DYNC1LI2: variants seen among roughly 807,000 people sequenced by gnomAD.
DYNC1LI2 encodes dynein cytoplasmic 1 light intermediate chain 2.
DYNC1LI2 carries 19 observed loss-of-function variants against 57.8 expected under a neutral mutation model. The observed-to-expected ratio is 0.33, with a 90% CI of 0.23 to 0.48. The LOEUF (loss-of-function observed/expected upper bound fraction) is 0.48, where lower values mean the gene tolerates loss of function less well. DYNC1LI2 is among the 20% of genes least tolerant of loss of function. DYNC1LI2 has a pLI of 0.99. For synonymous variants in DYNC1LI2, 256 were observed against 233.4 expected, an observed-to-expected ratio of 1.10 and a Z score of -0.88; for missense variants, 470 against 604.2, an observed-to-expected ratio of 0.78 and a Z score of 2.33.
chr16:66,735,341 T>TC (rs764962079), intron 5 of DYNC1LI2, among the ~76,000 whole-genome samples: 1 of 152,008 alleles, frequency 6.6e-6, no homozygotes, highest in African/African-American at 2.4e-5. Flanking sequence ...CCTCAAATGA[T>TC]CCACCCACCT....
At chr16:66,743,088 G>A (rs1293761985) in intron 3 of DYNC1LI2, among the ~76,000 whole-genome samples, 1 of 152,090 alleles carries the variant, frequency 6.6e-6, no homozygotes, top group Non-Finnish European at 1.5e-5. Context: ...CTTGAACCCA[G>A]GAAGTAGAGG....
At chr16:66,734,463 G>A (rs1018683334) in intron 5 of DYNC1LI2, 152 bp from the exon 6 acceptor site, 11 of 760,224 alleles carry the variant, frequency 1.4e-5, no homozygotes, top group Admixed American at 3.0e-5. Flanking sequence ...AAAAAGAACC[G>A]GAGATTTTTC....
chr16:66,743,860 G>A (rs866132374), intron 3 of DYNC1LI2, among the ~76,000 whole-genome samples: 5 of 152,042 alleles, frequency 3.3e-5, no homozygotes, highest in South Asian at 2.1e-4. Context: ...ATTACCAGAC[G>A]CCTAATTATA....
intron 7 of DYNC1LI2, 184 bp from the exon 8 acceptor site, chr16:66,730,407 C>T (rs7188714): frequency 0.11 from 60,009 of 545,960 alleles, 7,737 homozygotes; most frequent in African/African-American, 0.49. Flanking sequence ...ATCAGAACAT[C>T]GCAGGTCCTG....
At position 66,751,216 on chromosome 16, in the gene DYNC1LI2, G is replaced by A. The variant is rs1162612258; in HGVS notation, c.181+57C>T. On this transcript the variant is annotated intron_variant, in intron 2 of 12. Coordinates refer to ENST00000258198, the MANE Select transcript of DYNC1LI2 (RefSeq NM_006141.3). This position sits in a 1 kb window ranked among gnomAD's most constrained non-coding sequence, Gnocchi z 5.2. ...GGGGAAGGCGGGGACCTGAGGGAGG[G>A]GCGCCCGCCTCGCCCACCCCAGCGA... The A allele has an allele frequency of 1.3e-6, 2 of 1,574,434 alleles. No individual in the cohort carries two copies. Among genetic ancestry groups the A allele is most frequent in the African/African-American group, 2.7e-5 (2 of 72,984 alleles).
At chr16:66,727,617 C>T (rs2017559244) in intron 11 of DYNC1LI2, 71 bp downstream of exon 11, 4 of 1,478,612 alleles carry the variant, frequency 2.7e-6, no homozygotes, top group African/African-American at 1.4e-5. Flanking sequence ...ACTCAGCCAC[C>T]CAGCCCCTGC....
Position 66,723,887 on chromosome 16 carries a change from A to T in DYNC1LI2, c.1379-65T>A, listed in dbSNP as rs576167611. ...GAGAAGAGGAAACAATTTTTTTTAA[A>T]GGAGCATTTAAAATTATACGCCTTC... On this transcript the variant is annotated intron_variant, in intron 12 of 12. Coordinates refer to ENST00000258198, the MANE Select transcript of DYNC1LI2 (RefSeq NM_006141.3). The T allele has an allele frequency of 2.9e-6, 4 of 1,389,954 alleles. No homozygotes were observed. The African/African-American group carries it at 5.8e-5, about 20-fold the overall frequency. The allele number at this position is 1,389,954 out of a possible 1,614,324, so 86.1% of individuals were successfully genotyped here.
At chr16:66,749,517 A>C (rs1251758474) in intron 2 of DYNC1LI2, among the ~76,000 whole-genome samples, 1 of 152,166 alleles carries the variant, frequency 6.6e-6, no homozygotes, top group Non-Finnish European at 1.5e-5. Flanking sequence ...AGCAAATTCC[A>C]AGATCTAAAA....
chr16:66,749,419 C>A, intron 2 of DYNC1LI2, 106 bp from the exon 3 acceptor site: 2 of 1,157,208 alleles, frequency 1.7e-6, no homozygotes, highest in South Asian at 1.3e-5. Flanking sequence ...CATGCAAAGT[C>A]TGCTGTTGAA....
chr16:66,735,195 C>T (rs2017712250), intron 5 of DYNC1LI2, among the ~76,000 whole-genome samples: 1 of 150,980 alleles, frequency 6.6e-6, no homozygotes, highest in Admixed American at 6.6e-5. Flanking sequence ...CCTCAGCCTC[C>T]CAGCTCAAGC....
intron 3 of DYNC1LI2, among the ~76,000 whole-genome samples, chr16:66,746,394 T>C (rs1317921611): frequency 6.6e-6 from 1 of 152,136 alleles, no homozygotes; most frequent in African/African-American, 2.4e-5. Context: ...AAAGTGTATA[T>C]TTATAACTCA....
chr16:66,737,787 C>A (rs2017762141), intron 4 of DYNC1LI2, among the ~76,000 whole-genome samples: 1 of 152,184 alleles, frequency 6.6e-6, no homozygotes, highest in African/African-American at 2.4e-5. Flanking sequence ...ATTAAGGTGA[C>A]AATGGTCCGA....
intron 5 of DYNC1LI2, among the ~76,000 whole-genome samples, chr16:66,734,574 C>T (rs1389512015): frequency 6.6e-6 from 1 of 151,920 alleles, no homozygotes; most frequent in African/African-American, 2.4e-5. Context: ...AAGCTCCCAT[C>T]AGGAGGCAGG....
chr16:66,727,288 A>T (rs1196795751), intron 11 of DYNC1LI2, among the ~76,000 whole-genome samples: 1 of 152,196 alleles, frequency 6.6e-6, no homozygotes, highest in Non-Finnish European at 1.5e-5. Flanking sequence ...TCCAGAGTTG[A>T]CATGGGAGGA....
At chr16:66,736,377 C>A in intron 4 of DYNC1LI2, 133 bp from the exon 5 acceptor site, 3 of 1,049,942 alleles carry the variant, frequency 2.9e-6, no homozygotes, top group Non-Finnish European at 2.7e-6. Flanking sequence ...TAGTCACATC[C>A]AACTGCAAAA....
chr16:66,736,871 A>G (rs1285320177), intron 4 of DYNC1LI2, among the ~76,000 whole-genome samples: 1 of 152,240 alleles, frequency 6.6e-6, no homozygotes, highest in Non-Finnish European at 1.5e-5. Context: ...CACTTTTCTT[A>G]TGTATCTTAC....
At position 66,751,153 on chromosome 16, in the gene DYNC1LI2, G is replaced by T; in HGVS notation, c.181+120C>A. 1 of 1,193,288 alleles carries T rather than the reference G, an allele frequency of 8.4e-7. No homozygotes were observed. The highest frequency in any genetic ancestry group is 1.2e-6 in the Non-Finnish European group (1 of 863,194). 73.9% of individuals were successfully genotyped at this position (1,193,288 alleles called of 1,614,324 possible). A position where few individuals can be genotyped will look rare whatever the true frequency, so the allele number is the denominator to read the frequency against. On this transcript the variant is annotated intron_variant, in intron 2 of 12. Transcript: ENST00000258198. This position sits in a 1 kb window ranked among gnomAD's most constrained non-coding sequence, Gnocchi z 5.2. The stretch of plus-strand genomic sequence containing the variant: ...TCCAGCTGACCGGCCAGGGCCGACG[G>T]TCCCTTTCCCGCCAGGCTGCGGGCA...
At chr16:66,742,073 G>A (rs1036427928) in intron 4 of DYNC1LI2, among the ~76,000 whole-genome samples, 1 of 152,126 alleles carries the variant, frequency 6.6e-6, no homozygotes, top group Non-Finnish European at 1.5e-5. Flanking sequence ...AACTCAAGCT[G>A]CAGAGACCAC....
At position 66,749,181 on chromosome 16, in the gene DYNC1LI2, C is replaced by G. The variant is rs2017995613; in HGVS notation, c.298+16G>C. The G allele has an allele frequency of 6.2e-7, 1 of 1,613,212 alleles. No individual in the cohort carries two copies. The highest frequency in any genetic ancestry group is 1.3e-5 in the African/African-American group (1 of 74,910). The stretch of plus-strand genomic sequence containing the variant: ...CTGCATACACCCCCTTACCATGGGA[C>G]CAATGCTTCACTCACCATCTCGGTC... On this transcript the variant is annotated intron_variant, in intron 3 of 12. Coordinates refer to ENST00000258198, the MANE Select transcript of DYNC1LI2 (RefSeq NM_006141.3).
Sources: gnomAD v4.1 joint callset for allele counts (sites outside exome capture counted in the v4.1 genomes callset) on GRCh38, gnomAD v4.1.1 for gene constraint, Gnocchi (gnomAD v3.1) non-coding constraint, MANE v1.5 for transcripts, NCBI Gene and HGNC (gene_info 2026-07-23, HGNC 2026-07-21) for gene names.